The following RHOBTB2 variants were observed in gnomAD, a reference collection of about 807,000 sequenced individuals.
RHOBTB2 encodes the protein Rho related BTB domain containing 2, also known as rho-related BTB domain-containing protein 2.
A neutral mutation model predicts 66.5 loss-of-function variants in RHOBTB2; 39 were observed. The ratio of observed to expected loss-of-function variants is 0.59; its 90% CI spans 0.45 to 0.77. The LOEUF (loss-of-function observed/expected upper bound fraction) is 0.77. RHOBTB2 is among the 30% of genes least tolerant of loss of function. RHOBTB2 has a pLI of 0.00. For synonymous variants in RHOBTB2, 390 were observed against 395.0 expected (o/e 0.99, Z 0.15); for missense variants, 755 against 999.1 (o/e 0.76, Z 3.29).
At position 23,006,664 on chromosome 8, in the gene RHOBTB2, T is replaced by C. The variant is rs1225057092; in HGVS notation, c.483-64T>C. 2 of 1,496,694 alleles carry C rather than the reference T, an allele frequency of 1.3e-6. No homozygotes were observed. The highest frequency in any genetic ancestry group is 2.3e-5 in the East Asian group (1 of 44,040). 92.7% of individuals were successfully genotyped at this position (1,496,694 alleles called of 1,614,324 possible). The stretch of plus-strand genomic sequence containing the variant: ...TCCTGAGCAGAGTCCCTCCAGCCTG[T>C]GGAAGAACAGGCAGCCTCCCTCCAC... On this transcript the variant is annotated intron_variant, in intron 4 of 9. Transcript: ENST00000251822. The surrounding 1 kb of genome is among the most constrained non-coding windows in gnomAD (Gnocchi z 6.1).
Position 23,007,567 on chromosome 8 carries a change from A to G in RHOBTB2, c.1322A>G (p.Asn441Ser), listed in dbSNP as rs771306869. The change falls in exon 5 of 10, where the codon AAC (asparagine) becomes AGC (serine). Residue 441 changes from asparagine (N) to serine (S), a missense_variant. By Grantham distance (46) the Asn-to-Ser change is conservative. Around this residue, in one of 7 missense-constraint regions of RHOBTB2, gnomAD observed 353 missense variants for 458.2 expected, o/e 0.77. Transcript: ENST00000251822. ...CTGTACACGGGGGAGCTAGATGAGA[A>G]CGAGCGTGACCTCATGCACATTGCC... The part of the protein sequence containing the change: ...KYLYTGELDE[N>S]ERDLMHIAHI... 6.2e-7 allele frequency: 1 copy of G among 1,614,142 alleles called. No individual in the cohort carries two copies. Among genetic ancestry groups the G allele is most frequent in the Non-Finnish European group, 8.5e-7 (1 of 1,180,030 alleles).
chr8:22,974,679 T>C, the RHOBTB2 span, among the ~76,000 whole-genome samples: 2 of 151,706 alleles, frequency 1.3e-5, no homozygotes, highest in Non-Finnish European at 2.9e-5. Flanking sequence ...TTGTAGAGAG[T>C]TTAATTGGCC....
the RHOBTB2 span, among the ~76,000 whole-genome samples, chr8:22,956,602 A>G: frequency 6.6e-6 from 1 of 152,188 alleles, no homozygotes; most frequent in African/African-American, 2.4e-5. Context: ...CTGTGGAATC[A>G]TGAGCCAACT....
In RHOBTB2 at chr8:23,019,947, G is replaced by T. The variant is rs987350664; in HGVS notation, c.*2478G>T. ...AAGGAGGTATGAATCCCAGTCCCCA[G>T]GAACCTAGCTCTTTAAACTCTGGGG... On this transcript the variant is annotated 3_prime_UTR_variant, in exon 10 of 10. Transcript: ENST00000251822. The T allele has an allele frequency of 7.3e-6, 2 of 274,848 alleles. No homozygotes were observed. Among genetic ancestry groups the T allele is most frequent in the African/African-American group, 4.5e-5 (2 of 44,658 alleles). 17.0% of individuals were successfully genotyped at this position (274,848 alleles called of 1,614,324 possible). A position where few individuals can be genotyped will look rare whatever the true frequency, so the allele number is the denominator to read the frequency against.
In RHOBTB2 at chr8:23,020,044, A is replaced by G; in HGVS notation, c.*2575A>G. The G allele has an allele frequency of 2.9e-6, 1 of 341,010 alleles. No homozygotes were observed. The highest frequency in any genetic ancestry group is 5.7e-6 in the Non-Finnish European group (1 of 174,284). The allele number at this position is 341,010 out of a possible 1,614,324, so 21.1% of individuals were successfully genotyped here. On this transcript the variant is annotated 3_prime_UTR_variant, in exon 10 of 10. Coordinates refer to ENST00000251822, the MANE Select transcript of RHOBTB2 (RefSeq NM_015178.3). ...GGGGAGGGAGGAAGGAAGGAGTCCC[A>G]GCAGGAGCACAGCCCTGGTTTCCTG...
At chr8:22,979,435 T>C in the RHOBTB2 span, among the ~76,000 whole-genome samples, 2 of 152,172 alleles carry the variant, frequency 1.3e-5, no homozygotes, top group African/African-American at 4.8e-5. Flanking sequence ...CCTTTGTGTA[T>C]GAATTTTTTT....
At chr8:22,956,725 A>C in the RHOBTB2 span, among the ~76,000 whole-genome samples, 1 of 152,126 alleles carries the variant, frequency 6.6e-6, no homozygotes, top group Non-Finnish European at 1.5e-5. Flanking sequence ...GCAATGGCGC[A>C]ATCTTGACTC....
At chr8:22,971,741 C>T in the RHOBTB2 span, among the ~76,000 whole-genome samples, 4 of 152,306 alleles carry the variant, frequency 2.6e-5, no homozygotes, top group Non-Finnish European at 5.9e-5. Context: ...ACCTCCCTGG[C>T]CAGTCTATCC....
At chr8:22,951,758 G>T in the RHOBTB2 span, among the ~76,000 whole-genome samples, 1 of 152,170 alleles carries the variant, frequency 6.6e-6, no homozygotes, top group African/African-American at 2.4e-5. Flanking sequence ...TTCTTTTGTG[G>T]ATCTTCAGTT....
chr8:22,988,153 C>CTTTTTT (rs34922844), intron 1 of RHOBTB2, among the ~76,000 whole-genome samples: 10 of 78,128 alleles, frequency 1.3e-4, no homozygotes, highest in Non-Finnish European at 1.5e-4. Flanking sequence ...GCTCCTTCCC[C>CTTTTTT]TTTTTTTTTT....
chr8:23,013,620 C>A (rs554018389), intron 7 of RHOBTB2, among the ~76,000 whole-genome samples: 1 of 150,898 alleles, frequency 6.6e-6, no homozygotes, highest in South Asian at 2.1e-4. Context: ...CTCAGTCGCC[C>A]GAGTAGCTGG....
Position 23,006,811 on chromosome 8 carries a change from G to C in RHOBTB2, c.566G>C (p.Ser189Thr). The change falls in exon 5 of 10, where the codon AGC becomes ACC. Residue 189 changes from serine (S) to threonine (T), a missense_variant. Ser to Thr is a moderately conservative substitution (Grantham distance 58). Coordinates refer to ENST00000251822, the MANE Select transcript of RHOBTB2 (RefSeq NM_015178.3). The surrounding 1 kb of genome is among the most constrained non-coding windows in gnomAD (Gnocchi z 6.1). ...KELGIPYYET[S>T]VVAQFGIKDV... ...CTGGGCATCCCCTACTATGAGACCA[G>C]CGTGGTGGCCCAGTTCGGCATCAAG... 1.2e-6 allele frequency: 2 copies of C among 1,614,164 alleles called. No individual in the cohort carries two copies. The highest frequency in any genetic ancestry group is 1.7e-6 in the Non-Finnish European group (2 of 1,180,040).
chr8:22,978,155 A>G, the RHOBTB2 span: 1 of 152,270 alleles, frequency 6.6e-6, no homozygotes, highest in Admixed American at 6.5e-5. Flanking sequence ...TTCTTTTTAA[A>G]TCTTTTAAAA....
At chr8:22,986,336 C>T (rs181617246), upstream of RHOBTB2, among the ~76,000 whole-genome samples, 1 of 143,662 alleles carries the variant, frequency 7.0e-6, no homozygotes, top group African/African-American at 2.6e-5. Flanking sequence ...CAGTGCCTCA[C>T]TGCAGCTGCA....
At chr8:23,014,826 T>G in intron 8 of RHOBTB2, 48 bp downstream of exon 8, 1 of 1,473,896 alleles carries the variant, frequency 6.8e-7, no homozygotes, top group Non-Finnish European at 9.5e-7. Flanking sequence ...TTCTACACTC[T>G]GCCTGCCCAT....
intron 1 of RHOBTB2, among the ~76,000 whole-genome samples, chr8:23,003,717 A>G (rs1810855155): frequency 6.6e-6 from 1 of 152,206 alleles, no homozygotes; most frequent in Admixed American, 6.5e-5. Context: ...CATGGGCAAC[A>G]GGACAGACCC....
At chr8:22,999,507 G>GC (rs1029719186), upstream of RHOBTB2, 7 of 613,266 alleles carry the variant, frequency 1.1e-5, no homozygotes, top group Non-Finnish European at 6.4e-6. Flanking sequence ...CCCCCTCCCC[G>GC]CCCCCCGAAC....
At chr8:22,971,122 T>C in the RHOBTB2 span, among the ~76,000 whole-genome samples, 14 of 152,268 alleles carry the variant, frequency 9.2e-5, no homozygotes, top group East Asian at 2.3e-3. Context: ...CTTCCTGTGC[T>C]TCAGCCCTCT....
chr8:22,973,456 A>T, the RHOBTB2 span, among the ~76,000 whole-genome samples: 1 of 151,570 alleles, frequency 6.6e-6, no homozygotes, highest in Non-Finnish European at 1.5e-5. Flanking sequence ...CTGGTCTCGA[A>T]CTCCTGGCCT....
Sources: gnomAD v4.1 joint callset for allele counts (sites outside exome capture counted in the v4.1 genomes callset) on GRCh38, gnomAD v4.1.1 for gene constraint, gnomAD v4.1.1 regional missense constraint, Gnocchi (gnomAD v3.1) non-coding constraint, MANE v1.5 for transcripts, NCBI Gene and HGNC (gene_info 2026-07-23, HGNC 2026-07-21) for gene names.